GINS4: variants seen among roughly 807,000 people sequenced by gnomAD.
GINS4 encodes the protein GINS complex subunit 4, also known as DNA replication complex GINS protein SLD5.
GINS4 carries 20 observed loss-of-function variants against 31.1 expected under a neutral mutation model. The ratio of observed to expected loss-of-function variants is 0.64; its 90% confidence interval spans 0.45 to 0.93. The LOEUF is 0.93. Ranked by LOEUF, GINS4 falls within the 40% of genes least tolerant of loss-of-function variation. The pLI is 0.00. For missense variants in GINS4, 245 were observed against 273.9 expected, an observed-to-expected ratio of 0.89 and a Z score of 0.75; for synonymous variants, 85 against 97.9, an observed-to-expected ratio of 0.87 and a Z score of 0.78.
chr8:41,543,832 A>G lies in GINS4; in HGVS notation c.*1745A>G, dbSNP rs952399704. The G allele has an allele frequency of 1.3e-5, 2 of 151,772 alleles. No individual in the cohort carries two copies. Among genetic ancestry groups the G allele is most frequent in the Non-Finnish European group, 2.9e-5 (2 of 68,020 alleles). 9.4% of individuals were successfully genotyped at this position (151,772 alleles called of 1,614,324 possible). A position where few individuals can be genotyped will look rare whatever the true frequency, so the allele number is the denominator to read the frequency against. ...GAGATTCTCCTGCCCCAGCCTCCCG[A>G]GTAGCTGGTATTATAGGTGCACACC... On this transcript the variant is annotated 3_prime_UTR_variant, in exon 8 of 8. Coordinates refer to ENST00000276533, the MANE Select transcript of GINS4 (RefSeq NM_032336.3).
intron 2 of GINS4, among the ~76,000 whole-genome samples, chr8:41,535,248 G>A (rs1238074532): frequency 2.0e-5 from 3 of 152,124 alleles, no homozygotes; most frequent in Admixed American, 2.0e-4. Context: ...TGAGGCAGGA[G>A]AATCACTTGA....
intron 4 of GINS4, among the ~76,000 whole-genome samples, chr8:41,538,461 A>G (rs908893429): frequency 3.9e-5 from 6 of 152,182 alleles, no homozygotes; most frequent in Non-Finnish European, 8.8e-5. Flanking sequence ...GCCTGAGCTC[A>G]TTCTTCACTC....
chr8:41,538,401 A>AC (rs1200331771), intron 4 of GINS4, among the ~76,000 whole-genome samples: 1 of 104,684 alleles, frequency 9.6e-6, no homozygotes, highest in Non-Finnish European at 2.0e-5. Flanking sequence ...AGTAATGCCA[A>AC]CCACATCACA....
intron 2 of GINS4, among the ~76,000 whole-genome samples, chr8:41,530,813 A>G (rs926547351): frequency 6.6e-6 from 1 of 152,190 alleles, no homozygotes; most frequent in African/African-American, 2.4e-5. Flanking sequence ...GACTTACTGC[A>G]TATTTCCCAT....
Position 41,544,508 on chromosome 8 carries a change from A to C in GINS4, c.*2421A>C, listed in dbSNP as rs1806899711. 6.6e-6 allele frequency: 1 copy of C among 152,188 alleles called. No individual in the cohort carries two copies. Among genetic ancestry groups the C allele is most frequent in the African/African-American group, 2.4e-5 (1 of 41,440 alleles). 9.4% of individuals were successfully genotyped at this position (152,188 alleles called of 1,614,324 possible). On this transcript the variant is annotated 3_prime_UTR_variant, in exon 8 of 8. Transcript: ENST00000276533. Reference sequence around the variant, plus strand: ...ATACCCATCGCCTGGAGCTCGCCTTAAGATGTAGGTTCTGCCTGAAGCCCA... The same window carrying C: ...ATACCCATCGCCTGGAGCTCGCCTTCAGATGTAGGTTCTGCCTGAAGCCCA...
In GINS4 at chr8:41,542,123, C is replaced by G. The variant is rs1806852840; in HGVS notation, c.*36C>G. 1.3e-6 allele frequency: 2 copies of G among 1,526,354 alleles called. No homozygotes were observed. Among genetic ancestry groups the G allele is most frequent in the Middle Eastern group, 1.7e-4 (1 of 5,856 alleles). The allele number at this position is 1,526,354 out of a possible 1,614,324, so 94.6% of individuals were successfully genotyped here. ...AAACAGCCAGGCATGGTGACTCAAG[C>G]CTGTAATCCCAGCACTTTGGGAGGC... On this transcript the variant is annotated 3_prime_UTR_variant, in exon 8 of 8. Coordinates refer to ENST00000276533, the MANE Select transcript of GINS4 (RefSeq NM_032336.3).
chr8:41,543,231 A>G lies in GINS4; in HGVS notation c.*1144A>G, dbSNP rs1806874949. The G allele has an allele frequency of 6.6e-6, 1 of 152,168 alleles. No homozygotes were observed. The highest frequency in any genetic ancestry group is 1.5e-5 in the Non-Finnish European group (1 of 68,036). The allele number at this position is 152,168 out of a possible 1,614,324, so 9.4% of individuals were successfully genotyped here. On this transcript the variant is annotated 3_prime_UTR_variant, in exon 8 of 8. Transcript: ENST00000276533. ...AACTAAACCAATAAACCATTATTAA[A>G]TTTCCATTCTGCAGCAGAAGGCACC... is the stretch of plus-strand genomic sequence containing the variant.
In GINS4 at chr8:41,541,828, T is replaced by C. The variant is rs142942452; in HGVS notation, c.504T>C (p.Asp168=). ...LFRAVPKPDL[D]SYVFLRVRER... is the part of the protein sequence containing the mutation. ...TGGCAGTTCCCAAACCAGATCTAGA[T>C]TCTTACGTGTTTCTGAGAGTGAGAG... The change falls in exon 7 of 8, where the codon GAT becomes GAC. Residue 168 remains aspartate, a synonymous_variant. Coordinates refer to ENST00000276533, the MANE Select transcript of GINS4 (RefSeq NM_032336.3). 1.1e-5 allele frequency: 18 copies of C among 1,613,962 alleles called. No homozygotes were observed. The African/African-American group carries it at 2.4e-4, about 22-fold the overall frequency.
chr8:41,529,838 G>C (rs946997129), intron 1 of GINS4: 4 of 184,768 alleles, frequency 2.2e-5, no homozygotes, highest in Admixed American at 1.8e-4. Context: ...GCACTGAGCA[G>C]AGGCGCGATT....
At chr8:41,539,586 G>A (rs564547333) in intron 4 of GINS4, 92 bp from the exon 5 acceptor site, 66 of 870,304 alleles carry the variant, frequency 7.6e-5, no homozygotes, top group Middle Eastern at 4.5e-4. Context: ...GTCCTTCCTC[G>A]GGAGGGTTGT....
At chr8:41,534,058 G>C (rs1011131831) in intron 2 of GINS4, 1 of 160,714 alleles carries the variant, frequency 6.2e-6, no homozygotes, top group East Asian at 1.8e-4. Context: ...AGATTTTTGA[G>C]GGGCGGACAC....
At chr8:41,536,202 C>T (rs911841727) in intron 2 of GINS4, among the ~76,000 whole-genome samples, 158 bp from the exon 3 acceptor site, 6 of 152,320 alleles carry the variant, frequency 3.9e-5, no homozygotes, top group Non-Finnish European at 5.9e-5. Context: ...AATCGCTAAA[C>T]GTAGTTTGTC....
At chr8:41,534,177 G>A in intron 2 of GINS4, 1 of 310,242 alleles carries the variant, frequency 3.2e-6, no homozygotes, top group Non-Finnish European at 6.6e-6. Flanking sequence ...CTAATGCAGG[G>A]GGATGTCATG....
chr8:41,536,462 C>T lies in GINS4; in HGVS notation c.183+16C>T. The T allele has an allele frequency of 6.7e-7, 1 of 1,496,860 alleles. No individual in the cohort carries two copies. The highest frequency in any genetic ancestry group is 9.3e-7 in the Non-Finnish European group (1 of 1,075,844). The allele number at this position is 1,496,860 out of a possible 1,614,324, so 92.7% of individuals were successfully genotyped here. On this transcript the variant is annotated intron_variant, in intron 3 of 7. Transcript: ENST00000276533. ...GGAGCACATGGTAAGAGTCGCTTGTCTTGGGTTGACAAAGGAGGAGAAAGG... is the reference window on the plus strand; with the variant it reads ...GGAGCACATGGTAAGAGTCGCTTGTTTTGGGTTGACAAAGGAGGAGAAAGG...
chr8:41,540,098 A>G, intron 6 of GINS4, 94 bp downstream of exon 6: 1 of 902,978 alleles, frequency 1.1e-6, no homozygotes, highest in East Asian at 2.4e-5. Context: ...AATACAAAAA[A>G]GTAAGTATGT....
intron 6 of GINS4, 64 bp from the exon 7 acceptor site, chr8:41,541,745 A>G: frequency 7.7e-7 from 1 of 1,303,806 alleles, no homozygotes; most frequent in Admixed American, 1.7e-5. Flanking sequence ...TCTTCCCAGC[A>G]ACTTTTACTT....
At position 41,542,731 on chromosome 8, in the gene GINS4, C is replaced by T. The variant is rs150497256; in HGVS notation, c.*644C>T. On this transcript the variant is annotated 3_prime_UTR_variant, in exon 8 of 8. Transcript: ENST00000276533. ...AGAAACCCCTCGTATCACGTTGTGC[C>T]TGAGGACAATAATAAAGTAGTTTAC... is the stretch of plus-strand genomic sequence containing the variant. The T allele has an allele frequency of 1.3e-5, 2 of 153,498 alleles. No homozygotes were observed. The highest frequency in any genetic ancestry group is 2.9e-5 in the Non-Finnish European group (2 of 68,838). 9.5% of individuals were successfully genotyped at this position (153,498 alleles called of 1,614,324 possible).
chr8:41,534,279 T>C, intron 2 of GINS4: 1 of 426,714 alleles, frequency 2.3e-6, no homozygotes, highest in Non-Finnish European at 4.7e-6. Flanking sequence ...TTGTGGTATG[T>C]ACCTTTAGTC....
chr8:41,538,404 A>G (rs567604694), intron 4 of GINS4, among the ~76,000 whole-genome samples: 1 of 152,206 alleles, frequency 6.6e-6, no homozygotes, highest in African/African-American at 2.4e-5. Flanking sequence ...AATGCCAACC[A>G]CATCACATTA....
Sources: gnomAD v4.1 joint callset for allele counts (sites outside exome capture counted in the v4.1 genomes callset) on GRCh38, gnomAD v4.1.1 for gene constraint, MANE v1.5 for transcripts, NCBI Gene and HGNC (gene_info 2026-07-23, HGNC 2026-07-21) for gene names.